SOX5: variants seen among roughly 807,000 people sequenced by gnomAD.
SOX5 encodes the protein transcription factor SOX-5.
SOX5 carries 9 observed loss-of-function variants against 92.0 expected under a neutral mutation model. The observed-to-expected ratio is 0.10, with a 90% CI of 0.06 to 0.17. SOX5 has a LOEUF of 0.17. Ranked by LOEUF, SOX5 falls within the 10% of genes least tolerant of loss-of-function variation. The pLI, the probability that SOX5 is intolerant of heterozygous loss-of-function variation, is 1.00. For synonymous variants in SOX5, 344 were observed against 336.3 expected, an observed-to-expected ratio of 1.02 and a Z score of -0.25; for missense variants, 642 against 944.5, an observed-to-expected ratio of 0.68 and a Z score of 4.20.
chr12:24,385,869 C>G (rs904312034), intron 1 of SOX5, among the ~76,000 whole-genome samples: 12 of 137,814 alleles, frequency 8.7e-5, no homozygotes, highest in Non-Finnish European at 1.7e-4. Flanking sequence ...GAGGTAGAGG[C>G]TGCAGTCAGC....
chr12:23,968,548 C>T (rs1001462623), intron 4 of SOX5, among the ~76,000 whole-genome samples: 3 of 152,202 alleles, frequency 2.0e-5, no homozygotes, highest in African/African-American at 7.2e-5. Flanking sequence ...CTACTCCCCA[C>T]CCCATTCTTC....
At chr12:24,062,305 AT>A (rs1939881742) in intron 4 of SOX5, among the ~76,000 whole-genome samples, 1 of 152,204 alleles carries the variant, frequency 6.6e-6, no homozygotes, top group Admixed American at 6.5e-5. Flanking sequence ...TTCTACCTTT[AT>A]TTCTAACTTC....
At chr12:24,231,679 C>T (rs1123697) in intron 3 of SOX5, among the ~76,000 whole-genome samples, 47,378 of 151,958 alleles carry the variant, frequency 0.31, 7,763 homozygotes, top group African/African-American at 0.37. Context: ...GTTACCACTG[C>T]TGATATGGTA....
chr12:24,414,701 A>G (rs1029409529), intron 1 of SOX5, among the ~76,000 whole-genome samples: 1 of 152,186 alleles, frequency 6.6e-6, no homozygotes, highest in Non-Finnish European at 1.5e-5. Context: ...AGAAAGAAAA[A>G]CTAAGCTCGA....
intron 2 of SOX5, among the ~76,000 whole-genome samples, chr12:24,282,877 G>A (rs1379870468): frequency 5.3e-5 from 8 of 152,076 alleles, no homozygotes; most frequent in East Asian, 1.9e-4. Flanking sequence ...ATGTTGACCC[G>A]GTTGAAAAAT....
intron 3 of SOX5, among the ~76,000 whole-genome samples, chr12:23,766,413 A>T (rs74960808): frequency 0.012 from 1,757 of 152,274 alleles, 36 homozygotes; most frequent in African/African-American, 0.041. Context: ...TAAAGGTCAA[A>T]ATCATAGGAG....
intron 1 of SOX5, among the ~76,000 whole-genome samples, chr12:24,421,920 G>T (rs76804599): frequency 3.9e-5 from 6 of 151,998 alleles, no homozygotes; most frequent in Admixed American, 3.9e-4. Context: ...TAATATCACC[G>T]GCCTTCATCA....
At chr12:23,633,989 G>A (rs140825663) in intron 8 of SOX5, among the ~76,000 whole-genome samples, 1 of 150,714 alleles carries the variant, frequency 6.6e-6, no homozygotes, top group South Asian at 2.1e-4. Context: ...ACAGAGAGCT[G>A]TGGATTTTTC....
chr12:23,974,468 G>T (rs116463037), intron 4 of SOX5, among the ~76,000 whole-genome samples: 1 of 151,918 alleles, frequency 6.6e-6, no homozygotes, highest in South Asian at 2.1e-4. Context: ...AAAAAAAATC[G>T]CCAAAATACA....
chr12:24,151,350 G>GA (rs964885890), intron 4 of SOX5, among the ~76,000 whole-genome samples: 38 of 151,872 alleles, frequency 2.5e-4, no homozygotes, highest in Admixed American at 2.1e-3. Flanking sequence ...TATATTTCAT[G>GA]AAAAAAAATT....
At chr12:23,970,841 A>ATATATATATATATATATATATTTTTTTTT in intron 4 of SOX5, among the ~76,000 whole-genome samples, 3 of 21,884 alleles carry the variant, frequency 1.4e-4, no homozygotes, top group African/African-American at 1.2e-4. Context: ...TATATATATA[A>ATATATATATATATATATATATTTTTTTTT]TTTTTTTTTT....
At position 23,530,822 on chromosome 12, in the gene SOX5, C is replaced by CGCGT. The variant is rs1938869323; in HGVS notation, c.*3396_*3397insACGC. The CGCGT allele has an allele frequency of 1.1e-5, 1 of 88,952 alleles. No individual in the cohort carries two copies. Among genetic ancestry groups the CGCGT allele is most frequent in the African/African-American group, 5.6e-5 (1 of 17,730 alleles). The allele number at this position is 88,952 out of a possible 1,614,324, so 5.5% of individuals were successfully genotyped here. A position where few individuals can be genotyped will look rare whatever the true frequency, so the allele number is the denominator to read the frequency against. On this transcript the variant is annotated 3_prime_UTR_variant, in exon 15 of 15. Transcript: ENST00000451604. ...AAGTGTGTGTGTGTGTGTGTGTGCGCGCGCGCGCGCGCGCATGTGAGAGAG... is the reference window on the plus strand; with the variant it reads ...AAGTGTGTGTGTGTGTGTGTGTGCGCGCGTGCGCGCGCGCGCGCATGTGAGAGAG...
chr12:23,742,992 T>G (rs1185059088), intron 4 of SOX5, among the ~76,000 whole-genome samples: 1 of 151,988 alleles, frequency 6.6e-6, no homozygotes, highest in Non-Finnish European at 1.5e-5. Context: ...ATAAGAAATG[T>G]GGGTTAATTA....
At chr12:23,692,724 G>C (rs2089094497) in intron 6 of SOX5, among the ~76,000 whole-genome samples, 1 of 152,046 alleles carries the variant, frequency 6.6e-6, no homozygotes, top group Admixed American at 6.6e-5. Context: ...CTACCTACTT[G>C]ACCTTACAAT....
chr12:24,361,860 A>G lies in SOX5; in HGVS notation c.-174+6703T>C, dbSNP rs549336460. On this transcript the variant is annotated intron_variant, in intron 2 of 4. Coordinates refer to the SOX5 transcript ENST00000446891. ...TGGGATTTCAGTTCAGGCTTACCTG[A>G]GTGTACAGCAGCAACAAGGTAGAAT... Among the ~76,000 whole-genome samples the G allele has an allele frequency of 2.6e-5, 4 of 152,326 alleles. No individual in the cohort carries two copies. The South Asian group carries it at 8.3e-4, about 32-fold the overall frequency.
At chr12:23,563,512 T>A (rs1165382227) in intron 10 of SOX5, 109 bp from the exon 11 acceptor site, 4 of 841,418 alleles carry the variant, frequency 4.8e-6, no homozygotes, top group Non-Finnish European at 7.4e-6. Flanking sequence ...TGGCCTATAA[T>A]GATTTCTCCA....
At chr12:24,135,167 T>C (rs1273130224) in intron 4 of SOX5, among the ~76,000 whole-genome samples, 3 of 152,224 alleles carry the variant, frequency 2.0e-5, no homozygotes, top group Non-Finnish European at 4.4e-5. Flanking sequence ...TTTTCATTTC[T>C]TCCTGGGAAT....
At chr12:24,460,043 A>G (rs558374265) in intron 1 of SOX5, among the ~76,000 whole-genome samples, 1 of 152,318 alleles carries the variant, frequency 6.6e-6, no homozygotes, top group African/African-American at 2.4e-5. Context: ...GTCTGCATCA[A>G]TGTAGTGAAG....
intron 3 of SOX5, among the ~76,000 whole-genome samples, chr12:24,265,137 T>C (rs1371721183): frequency 2.0e-5 from 3 of 152,196 alleles, no homozygotes; most frequent in African/African-American, 7.2e-5. Context: ...TTTCAATATA[T>C]TGAAATTTTC....
Sources: gnomAD v4.1 joint callset for allele counts (sites outside exome capture counted in the v4.1 genomes callset) on GRCh38, gnomAD v4.1.1 for gene constraint, MANE v1.5 for transcripts, NCBI Gene and HGNC (gene_info 2026-07-23, HGNC 2026-07-21) for gene names.